FHIT: variants seen among roughly 807,000 people sequenced by gnomAD.
The protein encoded by FHIT is fragile histidine triad diadenosine triphosphatase.
A neutral mutation model predicts 17.9 loss-of-function variants in FHIT; 19 were observed. The ratio of observed to expected loss-of-function variants is 1.06; its 90% CI spans 0.74 to 1.56. FHIT has a LOEUF of 1.56. FHIT is among the 40% of genes most tolerant of loss of function. The pLI is 0.00. For synonymous variants in FHIT, 81 were observed against 69.7 expected (o/e 1.16, Z -0.81); for missense variants, 248 against 189.2 (o/e 1.31, Z -1.82).
At chr3:59,883,519 G>A (rs1336352615) in intron 8 of FHIT, among the ~76,000 whole-genome samples, 1 of 152,204 alleles carries the variant, frequency 6.6e-6, no homozygotes, top group Non-Finnish European at 1.5e-5. Context: ...GACGAGAATG[G>A]TATGGGGGAA....
intron 5 of FHIT, among the ~76,000 whole-genome samples, chr3:60,402,974 C>T (rs1176158037): frequency 1.3e-5 from 2 of 152,116 alleles, no homozygotes; most frequent in East Asian, 1.9e-4. Flanking sequence ...ATGCTCATGC[C>T]CAGAACAAAA....
intron 3 of FHIT, among the ~76,000 whole-genome samples, chr3:60,988,946 TAAAAAAAAA>T (rs535898632): frequency 0.083 from 2,821 of 34,164 alleles, 15 homozygotes; most frequent in East Asian, 0.11. Flanking sequence ...ATGGCTTTGT[TAAAAAAAAA>T]AAAAAAAAAA....
intron 2 of FHIT, among the ~76,000 whole-genome samples, chr3:61,181,381 C>T (rs1189796739): frequency 2.6e-5 from 4 of 152,118 alleles, no homozygotes; most frequent in South Asian, 2.1e-4. Context: ...TAATATCCCT[C>T]CACTGTATTT....
At chr3:59,867,246 T>C (rs1164255803) in intron 8 of FHIT, among the ~76,000 whole-genome samples, 1 of 135,000 alleles carries the variant, frequency 7.4e-6, no homozygotes. Flanking sequence ...CTCTTTGTTA[T>C]GGAGTTTGTC....
chr3:60,239,940 C>T (rs886717329), intron 5 of FHIT, among the ~76,000 whole-genome samples: 1 of 152,142 alleles, frequency 6.6e-6, no homozygotes, highest in East Asian at 1.9e-4. Context: ...GTCAGTTCGC[C>T]TCCCTAAGCC....
intron 7 of FHIT, among the ~76,000 whole-genome samples, chr3:59,931,063 G>A (rs567755172): frequency 9.9e-5 from 15 of 152,128 alleles, no homozygotes; most frequent in African/African-American, 2.2e-4. Flanking sequence ...GTATCCCAAC[G>A]CATAAGACTT....
At chr3:60,503,432 T>G (rs2034601352) in intron 5 of FHIT, among the ~76,000 whole-genome samples, 1 of 152,186 alleles carries the variant, frequency 6.6e-6, no homozygotes, top group African/African-American at 2.4e-5. Flanking sequence ...AGGCCTATGA[T>G]AGCAAAGATG....
At chr3:60,413,662 G>A (rs1220844395) in intron 5 of FHIT, among the ~76,000 whole-genome samples, 1 of 152,134 alleles carries the variant, frequency 6.6e-6, no homozygotes, top group African/African-American at 2.4e-5. Context: ...GTGTGTGTGT[G>A]TGTGTGTGTG....
intron 3 of FHIT, among the ~76,000 whole-genome samples, chr3:61,036,901 G>GTTTTTTTTTTGT (rs2033269178): frequency 2.1e-4 from 15 of 70,322 alleles, no homozygotes; most frequent in African/African-American, 4.1e-4. Flanking sequence ...AGTCTGCTTT[G>GTTTTTTTTTTGT]TTTTTTTTTT....
At chr3:60,842,646 T>TATATGAGTGTATATATATATATATATA (rs1491100730) in intron 3 of FHIT, among the ~76,000 whole-genome samples, 17 of 80,268 alleles carry the variant, frequency 2.1e-4, no homozygotes, top group Non-Finnish European at 3.1e-4. Context: ...TATATATATA[T>TATATGAGTGTATATATATATATATATA]TTTTTTTTTT....
intron 1 of FHIT, among the ~76,000 whole-genome samples, chr3:61,206,052 C>G (rs1297609378): frequency 7.9e-6 from 1 of 126,504 alleles, no homozygotes; most frequent in Non-Finnish European, 1.7e-5. Context: ...CCAGTTTTCC[C>G]AGCACCATTT....
chr3:60,107,137 A>G (rs1348587780), intron 5 of FHIT, among the ~76,000 whole-genome samples: 5 of 146,040 alleles, frequency 3.4e-5, no homozygotes, highest in African/African-American at 5.0e-5. Flanking sequence ...TTTAACCTTT[A>G]AAAGCTTTAA....
intron 5 of FHIT, among the ~76,000 whole-genome samples, chr3:60,482,859 A>T (rs2033672989): frequency 6.6e-6 from 1 of 152,056 alleles, no homozygotes; most frequent in Non-Finnish European, 1.5e-5. Flanking sequence ...GAGACACAAA[A>T]AACCCTCCAA....
At chr3:60,582,180 C>A (rs1346946895) in intron 4 of FHIT, among the ~76,000 whole-genome samples, 1 of 151,852 alleles carries the variant, frequency 6.6e-6, no homozygotes, top group Admixed American at 6.6e-5. Context: ...GGGGTGCAAC[C>A]GAGACATCAG....
chr3:60,863,339 G>A (rs574847053), intron 3 of FHIT, among the ~76,000 whole-genome samples: 14 of 152,264 alleles, frequency 9.2e-5, no homozygotes, highest in Middle Eastern at 3.4e-3. Context: ...GAAACACAGC[G>A]CTGCTGATAC....
chr3:60,153,050 C>A (rs147397208), intron 5 of FHIT, among the ~76,000 whole-genome samples: 1 of 152,288 alleles, frequency 6.6e-6, no homozygotes, highest in Non-Finnish European at 1.5e-5. Context: ...TTCTTTCTCA[C>A]TGCCTCTGTT....
chr3:60,118,277 T>G (rs1449649353), intron 5 of FHIT, among the ~76,000 whole-genome samples: 3 of 151,612 alleles, frequency 2.0e-5, no homozygotes, highest in Admixed American at 2.0e-4. Context: ...CAGCTCATTT[T>G]TAATTTTTTT....
At chr3:60,730,154 G>A in intron 4 of FHIT, 1 of 444,346 alleles carries the variant, frequency 2.3e-6, no homozygotes, top group Non-Finnish European at 4.5e-6. Flanking sequence ...AGGACCACTG[G>A]GCTGTTTGTG....
chr3:60,394,592 G>A (rs116118251), intron 5 of FHIT, among the ~76,000 whole-genome samples: 1,665 of 152,236 alleles, frequency 0.011, 27 homozygotes, highest in African/African-American at 0.038. Flanking sequence ...CTGAGTATAT[G>A]CACCATGGTC....
Sources: allele counts gnomAD v4.1 joint callset (sites outside exome capture counted in the v4.1 genomes callset), GRCh38; gene constraint gnomAD v4.1.1; transcripts MANE v1.5; gene names NCBI Gene and HGNC (gene_info 2026-07-23, HGNC 2026-07-21).